Variants in ZNF451 observed in about 807,000 individuals in gnomAD.
ZNF451 encodes zinc finger protein 451, also known as E3 SUMO-protein ligase ZNF451.
ZNF451 carries 80 observed loss-of-function variants against 107.1 expected under a neutral mutation model. That is an observed-to-expected ratio of 0.75 (90% confidence interval 0.62 to 0.90). The LOEUF is 0.90. Ranked by LOEUF, ZNF451 falls within the 40% of genes least tolerant of loss-of-function variation. ZNF451 has a pLI of 0.00. For synonymous variants in ZNF451, 362 were observed against 406.5 expected, an observed-to-expected ratio of 0.89 and a Z score of 1.32; for missense variants, 1,107 against 1,236.2, an observed-to-expected ratio of 0.90 and a Z score of 1.57.
At chr6:57,117,691 C>T (rs1830438613) in intron 3 of ZNF451, among the ~76,000 whole-genome samples, 1 of 151,928 alleles carries the variant, frequency 6.6e-6, no homozygotes, top group African/African-American at 2.4e-5. Context: ...TTTTCATTGA[C>T]CTTTGCATCA....
In ZNF451 at chr6:57,124,469, T is replaced by C. The variant is rs949797496; in HGVS notation, c.187-265T>C. 8.4e-6 allele frequency: 6 copies of C among 716,774 alleles called. No homozygotes were observed. In the Admixed American group the frequency reaches 1.2e-4, roughly 14 times the overall value. 44.4% of individuals were successfully genotyped at this position (716,774 alleles called of 1,614,324 possible). A position where few individuals can be genotyped will look rare whatever the true frequency, so the allele number is the denominator to read the frequency against. On this transcript the variant is annotated intron_variant, in intron 3 of 14. Transcript: ENST00000370706. Reference sequence around the variant, plus strand: ...CTGATGACCCTACCTCTCTGACAGATCTGAGAAGAGTTTACTCTTCAGCTT... The same window carrying C: ...CTGATGACCCTACCTCTCTGACAGACCTGAGAAGAGTTTACTCTTCAGCTT...
intron 6 of ZNF451, among the ~76,000 whole-genome samples, chr6:57,133,956 G>T (rs1298698979): frequency 6.6e-6 from 1 of 152,188 alleles, no homozygotes; most frequent in African/African-American, 2.4e-5. Flanking sequence ...GATTACAGGC[G>T]TGAGCCACCG....
chr6:57,112,748 A>G (rs1340866543), intron 3 of ZNF451, among the ~76,000 whole-genome samples: 1 of 152,178 alleles, frequency 6.6e-6, no homozygotes, highest in African/African-American at 2.4e-5. Flanking sequence ...AAATTGTTCC[A>G]TTTCACAGAG....
chr6:57,121,231 T>C (rs926122766), intron 3 of ZNF451, among the ~76,000 whole-genome samples: 3 of 152,210 alleles, frequency 2.0e-5, no homozygotes, highest in African/African-American at 7.2e-5. Context: ...TGTTGTTTCA[T>C]TGATCTGTTT....
At chr6:57,166,109 C>A (rs1365842049) in intron 14 of ZNF451, among the ~76,000 whole-genome samples, 3 of 151,688 alleles carry the variant, frequency 2.0e-5, no homozygotes, top group Non-Finnish European at 4.4e-5. Context: ...CTCACTGCAA[C>A]CTCCGCCTCC....
intron 3 of ZNF451, among the ~76,000 whole-genome samples, chr6:57,114,638 T>C (rs1432672106): frequency 1.3e-5 from 2 of 152,172 alleles, no homozygotes; most frequent in African/African-American, 2.4e-5. Context: ...ATTATGTTCC[T>C]TCTAGATGCA....
At chr6:57,164,371 AGTATATATTG>A (rs1763808353) in intron 14 of ZNF451, among the ~76,000 whole-genome samples, 1 of 152,284 alleles carries the variant, frequency 6.6e-6, no homozygotes, top group East Asian at 1.9e-4. Flanking sequence ...TATGATAAAT[AGTATATATTG>A]GTTGCTGCTA....
chr6:57,113,164 A>G (rs1274315027), intron 3 of ZNF451, among the ~76,000 whole-genome samples: 1 of 151,974 alleles, frequency 6.6e-6, no homozygotes, highest in African/African-American at 2.4e-5. Context: ...TTCAGGCCCA[A>G]TGTCTGCTGT....
chr6:57,110,903 CTT>C, intron 3 of ZNF451, among the ~76,000 whole-genome samples: 1 of 140,884 alleles, frequency 7.1e-6, no homozygotes, highest in East Asian at 2.0e-4. Flanking sequence ...CCTTTACCTT[CTT>C]TTTTTTTTTT....
intron 3 of ZNF451, chr6:57,104,267 C>T: frequency 1.0e-6 from 1 of 985,328 alleles, no homozygotes; most frequent in East Asian, 1.1e-4. Flanking sequence ...ACCAATCAAG[C>T]AATCCCATGT....
intron 9 of ZNF451, among the ~76,000 whole-genome samples, 189 bp from the exon 10 acceptor site, chr6:57,146,900 TA>T: frequency 1.3e-5 from 2 of 152,318 alleles, no homozygotes; most frequent in South Asian, 4.1e-4. Flanking sequence ...TAGAAATAGA[TA>T]AAGTGCAGAT....
intron 5 of ZNF451, among the ~76,000 whole-genome samples, chr6:57,131,080 G>C: frequency 6.6e-6 from 1 of 152,068 alleles, no homozygotes; most frequent in Non-Finnish European, 1.5e-5. Flanking sequence ...TATAGAGAGT[G>C]AGATTCTACT....
chr6:57,145,812 T>C (rs1356010235), intron 9 of ZNF451, among the ~76,000 whole-genome samples: 1 of 152,138 alleles, frequency 6.6e-6, no homozygotes, highest in Non-Finnish European at 1.5e-5. Context: ...TTAAGGTAGA[T>C]ACCAGTAGTG....
At chr6:57,095,937 C>T (rs1005915231) in intron 2 of ZNF451, among the ~76,000 whole-genome samples, 3 of 151,824 alleles carry the variant, frequency 2.0e-5, no homozygotes, top group African/African-American at 7.3e-5. Flanking sequence ...GATTCTTGTT[C>T]TTCGGCCTCC....
At chr6:57,159,307 T>C (rs1763564051) in intron 13 of ZNF451, 1 of 985,282 alleles carries the variant, frequency 1.0e-6, no homozygotes, top group Admixed American at 6.1e-5. Context: ...CCTTAGGCCT[T>C]GCATGCAATG....
At chr6:57,128,671 C>A in intron 4 of ZNF451, 58 bp from the exon 5 acceptor site, 2 of 1,204,798 alleles carry the variant, frequency 1.7e-6, no homozygotes, top group Non-Finnish European at 1.2e-6. Flanking sequence ...TGTCAAAATC[C>A]TTTTCTCAAG....
chr6:57,168,443 A>T lies in ZNF451; in HGVS notation c.3160A>T (p.Ile1054Phe), dbSNP rs1475901287. The T allele has an allele frequency of 6.2e-7, 1 of 1,608,696 alleles. No individual in the cohort carries two copies. The highest frequency in any genetic ancestry group is 1.7e-5 in the Admixed American group (1 of 58,966). The change falls in exon 15 of 15, where the codon ATT (isoleucine) becomes TTT (phenylalanine). Residue 1054 changes from isoleucine (I) to phenylalanine (F), a missense_variant. Transcript: ENST00000370706. ...TGCAGATGTGGAATTAGAAGAAGCT[A>T]TTAGAAGAAGTCTTGAGGAAATGTA... ...STEDVELEEA[I>F]RRSLEEM
chr6:57,154,764 A>G (rs1039198073), intron 13 of ZNF451, among the ~76,000 whole-genome samples: 1 of 152,228 alleles, frequency 6.6e-6, no homozygotes, highest in African/African-American at 2.4e-5. Context: ...TTAATGTTTA[A>G]ATATCCTAAT....
At chr6:57,133,263 G>T in intron 6 of ZNF451, 71 bp downstream of exon 6, 2 of 1,428,102 alleles carry the variant, frequency 1.4e-6, no homozygotes, top group Non-Finnish European at 1.9e-6. Context: ...TAAAATGAAA[G>T]CGTAATGCTC....
Sources: gnomAD v4.1 joint callset for allele counts (sites outside exome capture counted in the v4.1 genomes callset) on GRCh38, gnomAD v4.1.1 for gene constraint, MANE v1.5 for transcripts, NCBI Gene and HGNC (gene_info 2026-07-23, HGNC 2026-07-21) for gene names.